Variants in CDH12 observed in about 807,000 individuals in gnomAD.
CDH12 encodes the protein cadherin-12.
A neutral mutation model predicts 74.1 loss-of-function variants in CDH12; 41 were observed. The ratio of observed to expected loss-of-function variants is 0.55; its 90% confidence interval spans 0.43 to 0.72. The LOEUF is 0.72. CDH12 is among the 30% of genes least tolerant of loss of function. The probability of loss-of-function intolerance (pLI) is 0.00; values close to 1 mark genes in which losing one functional copy is unlikely to be tolerated. For synonymous variants in CDH12, 399 were observed against 355.0 expected, an observed-to-expected ratio of 1.12 and a Z score of -1.39; for missense variants, 945 against 977.2, an observed-to-expected ratio of 0.97 and a Z score of 0.44.
chr5:22,470,862 G>A (rs909826087), intron 2 of CDH12, among the ~76,000 whole-genome samples: 1 of 42,432 alleles, frequency 2.4e-5, no homozygotes, highest in African/African-American at 9.1e-5. Context: ...AAACCTTAGC[G>A]CTTTTTTTTT....
intron 6 of CDH12, among the ~76,000 whole-genome samples, chr5:21,863,242 T>C (rs1751147218): frequency 6.6e-6 from 1 of 152,096 alleles, no homozygotes; most frequent in Non-Finnish European, 1.5e-5. Flanking sequence ...GGCTCTTTCA[T>C]GCCTCTGCGG....
intron 4 of CDH12, among the ~76,000 whole-genome samples, chr5:22,209,227 G>A (rs1751395716): frequency 6.6e-6 from 1 of 152,174 alleles, no homozygotes; most frequent in African/African-American, 2.4e-5. Flanking sequence ...TCTTGTCACA[G>A]GATTAGATCA....
intron 4 of CDH12, among the ~76,000 whole-genome samples, chr5:22,211,068 A>C (rs1322170227): frequency 6.6e-6 from 1 of 152,204 alleles, no homozygotes; most frequent in Non-Finnish European, 1.5e-5. Context: ...TGGAAGAAGC[A>C]CTAACATCGA....
chr5:22,434,933 A>C (rs1744317370), intron 2 of CDH12, among the ~76,000 whole-genome samples: 1 of 152,142 alleles, frequency 6.6e-6, no homozygotes, highest in Admixed American at 6.6e-5. Context: ...AACTCAACTT[A>C]CTACATCTTG....
At chr5:22,829,156 T>C (rs147609398) in intron 1 of CDH12, among the ~76,000 whole-genome samples, 10 of 152,282 alleles carry the variant, frequency 6.6e-5, no homozygotes, top group African/African-American at 2.2e-4. Flanking sequence ...GGAGGCATAC[T>C]ATAGTGAGGA....
intron 5 of CDH12, among the ~76,000 whole-genome samples, chr5:22,027,246 G>A (rs1199155835): frequency 6.6e-6 from 1 of 152,120 alleles, no homozygotes; most frequent in African/African-American, 2.4e-5. Flanking sequence ...TTGCATCAAT[G>A]TTCATCAAGG....
chr5:22,468,790 G>T (rs1745840441), intron 2 of CDH12, among the ~76,000 whole-genome samples: 1 of 151,994 alleles, frequency 6.6e-6, no homozygotes, highest in Non-Finnish European at 1.5e-5. Flanking sequence ...ACTAGAAAAA[G>T]ACATAAATGT....
chr5:22,756,142 T>C (rs886722871), intron 1 of CDH12, among the ~76,000 whole-genome samples: 3 of 149,230 alleles, frequency 2.0e-5, no homozygotes, highest in African/African-American at 7.4e-5. Context: ...AGAAATGGAC[T>C]GCTTTGCTTT....
chr5:22,758,615 G>A (rs1053321434), intron 1 of CDH12, among the ~76,000 whole-genome samples: 1 of 151,706 alleles, frequency 6.6e-6, no homozygotes. Flanking sequence ...CTCTTATAAG[G>A]CAGTTTTACG....
At chr5:21,857,088 G>A (rs374594481) in intron 6 of CDH12, among the ~76,000 whole-genome samples, 3 of 151,702 alleles carry the variant, frequency 2.0e-5, no homozygotes, top group African/African-American at 7.3e-5. Flanking sequence ...AAGAAGTCTC[G>A]GTCAATTGCC....
At chr5:22,797,342 A>G (rs560103594) in intron 1 of CDH12, among the ~76,000 whole-genome samples, 45 of 152,282 alleles carry the variant, frequency 3.0e-4, no homozygotes, top group Non-Finnish European at 5.9e-4. Flanking sequence ...CAGAATGGTG[A>G]GAAGTAAATT....
chr5:22,349,507 T>C (rs996995803), intron 3 of CDH12, among the ~76,000 whole-genome samples: 1 of 152,206 alleles, frequency 6.6e-6, no homozygotes, highest in Non-Finnish European at 1.5e-5. Context: ...CTATAATACT[T>C]ACTCATAATT....
At chr5:22,043,038 A>T in intron 5 of CDH12, among the ~76,000 whole-genome samples, 1 of 152,252 alleles carries the variant, frequency 6.6e-6, no homozygotes, top group East Asian at 1.9e-4. Context: ...AAATCAAATT[A>T]TTCTCAAACT....
chr5:22,607,921 A>T (rs188005314), intron 1 of CDH12, among the ~76,000 whole-genome samples: 6 of 152,344 alleles, frequency 3.9e-5, no homozygotes, highest in Admixed American at 2.0e-4. Context: ...ATTTCAGTGG[A>T]TGTATGGGAA....
At chr5:22,135,302 C>T (rs1746396556) in intron 4 of CDH12, among the ~76,000 whole-genome samples, 1 of 150,630 alleles carries the variant, frequency 6.6e-6, no homozygotes, top group Admixed American at 6.6e-5. Flanking sequence ...TGATATGGTA[C>T]TGCTGAGTAA....
chr5:22,838,651 C>G lies in CDH12; in HGVS notation c.-523+14407G>C, dbSNP rs201366264. On this transcript the variant is annotated intron_variant, in intron 1 of 14. Transcript: ENST00000382254. ...TCTTAAAATGGGTGTGTGAGAGTGT[C>G]TGTGTGTGTGTGTGTGTGTGTGTGT... Among the ~76,000 whole-genome samples the G allele has an allele frequency of 4.8e-3, 686 of 143,948 alleles. 9 individuals carry two copies. Among genetic ancestry groups the G allele is most frequent in the African/African-American group, 0.017 (645 of 38,704 alleles). The allele number at this position is 143,948 out of a possible 152,430, so 94.4% of individuals were successfully genotyped here. A position where few individuals can be genotyped will look rare whatever the true frequency, so the allele number is the denominator to read the frequency against.
At chr5:22,817,687 T>C in intron 1 of CDH12, among the ~76,000 whole-genome samples, 1 of 152,132 alleles carries the variant, frequency 6.6e-6, no homozygotes, top group East Asian at 1.9e-4. Flanking sequence ...AAACTATGCA[T>C]CATAATTTCA....
intron 1 of CDH12, among the ~76,000 whole-genome samples, chr5:22,700,085 T>G (rs1489845348): frequency 6.6e-6 from 1 of 152,028 alleles, no homozygotes; most frequent in Non-Finnish European, 1.5e-5. Flanking sequence ...GAGAATTGCT[T>G]GAACCCAGGA....
intron 1 of CDH12, among the ~76,000 whole-genome samples, chr5:22,638,249 A>T (rs893289325): frequency 2.0e-5 from 3 of 152,172 alleles, no homozygotes; most frequent in Non-Finnish European, 4.4e-5. Context: ...CAGTCTGCAA[A>T]CTGAGGAGCA....
Sources: allele counts gnomAD v4.1 joint callset (sites outside exome capture counted in the v4.1 genomes callset), GRCh38; gene constraint gnomAD v4.1.1; transcripts MANE v1.5; gene names NCBI Gene and HGNC (gene_info 2026-07-23, HGNC 2026-07-21).